AGBL2: variants seen among roughly 807,000 people sequenced by gnomAD.
AGBL2 encodes the protein cytosolic carboxypeptidase 2.
Under a neutral mutation model 103.0 loss-of-function variants are expected in AGBL2, and 87 were observed. The ratio of observed to expected loss-of-function variants is 0.84; its 90% CI spans 0.71 to 1.01. AGBL2 has a LOEUF of 1.01. Among genes scored for constraint, AGBL2 ranks in the 50% least tolerant of loss-of-function variants. AGBL2 has a pLI of 0.00. For missense variants in AGBL2, 904 were observed against 1,023.5 expected (o/e 0.88, Z 1.59); for synonymous variants, 335 against 356.7 (o/e 0.94, Z 0.69).
intron 8 of AGBL2, among the ~76,000 whole-genome samples, chr11:47,696,676 T>C (rs746666610): frequency 7.2e-5 from 11 of 152,216 alleles, no homozygotes; most frequent in Non-Finnish European, 1.2e-4. Context: ...TAGCAATTCG[T>C]CCTGTTGATC....
intron 3 of AGBL2, among the ~76,000 whole-genome samples, chr11:47,712,043 G>A (rs993462281): frequency 7.2e-5 from 11 of 151,992 alleles, no homozygotes; most frequent in Admixed American, 2.6e-4. Context: ...ATTGCACTCC[G>A]GCCAAGGCAA....
At chr11:47,665,931 C>T (rs2097340121) in intron 17 of AGBL2, among the ~76,000 whole-genome samples, 2 of 151,978 alleles carry the variant, frequency 1.3e-5, no homozygotes, top group Non-Finnish European at 2.9e-5. Context: ...ATCACTTGAA[C>T]CCGGGAAGTG....
At position 47,701,555 on chromosome 11, in the gene AGBL2, G is replaced by T. The variant is rs576741526; in HGVS notation, c.587-2002C>A. On this transcript the variant is annotated intron_variant, in intron 7 of 18. Transcript: ENST00000525123. ...TTAAATTCCAGTGTCCTTGCTGGGG[G>T]TGGTGGCTCACACCTGTAATCTCAG... Among the ~76,000 whole-genome samples, 6 of 152,088 alleles carry T rather than the reference G, an allele frequency of 3.9e-5. No individual in the cohort carries two copies. In the South Asian group the frequency reaches 1.0e-3, roughly 26 times the overall value.
chr11:47,660,424 CT>C, intron 18 of AGBL2, 78 bp from the exon 19 acceptor site: 1 of 1,357,046 alleles, frequency 7.4e-7, no homozygotes, highest in South Asian at 1.4e-5. Context: ...TTGGGGTTGG[CT>C]TTACAAGGAG....
chr11:47,685,166 C>T (rs2097418954), intron 11 of AGBL2, among the ~76,000 whole-genome samples: 2 of 151,864 alleles, frequency 1.3e-5, no homozygotes, highest in African/African-American at 4.8e-5. Flanking sequence ...GCCAAGATTG[C>T]ACCACTACAC....
At chr11:47,713,313 C>T (rs2097540862) in intron 3 of AGBL2, among the ~76,000 whole-genome samples, 1 of 144,840 alleles carries the variant, frequency 6.9e-6, no homozygotes, top group Admixed American at 7.1e-5. Context: ...CATTGCATTT[C>T]AGCCTGGGTG....
chr11:47,684,591 T>C (rs1160880156), intron 11 of AGBL2, among the ~76,000 whole-genome samples: 1 of 149,986 alleles, frequency 6.7e-6, no homozygotes, highest in Admixed American at 6.7e-5. Context: ...AAAAAATAAG[T>C]AAAATAAATA....
chr11:47,687,654 A>C (rs1308930059), intron 10 of AGBL2, among the ~76,000 whole-genome samples: 1 of 151,668 alleles, frequency 6.6e-6, no homozygotes, highest in Non-Finnish European at 1.5e-5. Flanking sequence ...TTCTGCCATG[A>C]TTGTACGCTT....
chr11:47,664,686 C>A (rs1274504834), intron 17 of AGBL2, among the ~76,000 whole-genome samples: 1 of 151,922 alleles, frequency 6.6e-6, no homozygotes, highest in Non-Finnish European at 1.5e-5. Context: ...GTTGGGATTG[C>A]AGGCATGAGC....
At position 47,660,092 on chromosome 11, in the gene AGBL2, G is replaced by A; in HGVS notation, c.*81C>T. ...ATACCACAAGTAAATGCAGTTCCCAGTCATACATCTCCCCCATTATAAAAT... is the reference window on the plus strand; with the variant it reads ...ATACCACAAGTAAATGCAGTTCCCAATCATACATCTCCCCCATTATAAAAT... On this transcript the variant is annotated 3_prime_UTR_variant, in exon 19 of 19. Transcript: ENST00000525123. The A allele has an allele frequency of 6.9e-7, 1 of 1,453,172 alleles. No individual in the cohort carries two copies. Among genetic ancestry groups the A allele is most frequent in the Non-Finnish European group, 9.4e-7 (1 of 1,067,050 alleles). The allele number at this position is 1,453,172 out of a possible 1,614,324, so 90.0% of individuals were successfully genotyped here.
chr11:47,692,289 T>C (rs1440600401), intron 8 of AGBL2, 33 bp from the exon 9 acceptor site: 4 of 1,602,152 alleles, frequency 2.5e-6, no homozygotes, highest in Non-Finnish European at 3.4e-6. Context: ...GGCTAGGTTC[T>C]ACTCAGAATC....
rs748323372 is a variant in AGBL2, at chr11:47,680,108, T to C, written c.1916-35A>G. On this transcript the variant is annotated intron_variant, in intron 12 of 18. Transcript: ENST00000525123. ...AAAAAAACCCCGCAAACATTTCCAA[T>C]TAAATCTTAGTGACTGAATGTAAAT... 9 of 1,292,452 alleles carry C rather than the reference T, an allele frequency of 7.0e-6. No homozygotes were observed. In the South Asian group the frequency reaches 8.8e-5, roughly 13 times the overall value. 80.1% of individuals were successfully genotyped at this position (1,292,452 alleles called of 1,614,324 possible). A position where few individuals can be genotyped will look rare whatever the true frequency, so the allele number is the denominator to read the frequency against.
chr11:47,703,204 G>A (rs2097505204), intron 7 of AGBL2, among the ~76,000 whole-genome samples: 1 of 151,974 alleles, frequency 6.6e-6, no homozygotes, highest in South Asian at 2.1e-4. Flanking sequence ...TACCAAGACT[G>A]GTAAAAATAC....
intron 3 of AGBL2, 75 bp downstream of exon 3, chr11:47,714,209 C>T: frequency 8.0e-6 from 9 of 1,123,860 alleles, no homozygotes; most frequent in Non-Finnish European, 1.2e-5. Context: ...TACCCAAGTG[C>T]AACCCTCCCA....
intron 8 of AGBL2, among the ~76,000 whole-genome samples, chr11:47,697,226 G>A (rs2097478025): frequency 6.7e-6 from 1 of 149,606 alleles, no homozygotes; most frequent in Admixed American, 6.7e-5. Context: ...ACCACATCCA[G>A]CCTCTTAATG....
chr11:47,665,736 G>A (rs898128825), intron 17 of AGBL2, among the ~76,000 whole-genome samples: 17 of 152,102 alleles, frequency 1.1e-4, no homozygotes, highest in South Asian at 2.1e-4. Context: ...TTGGCCAGGC[G>A]TAGTGGCTCA....
At chr11:47,663,175 A>AATG in intron 17 of AGBL2, 63 bp from the exon 18 acceptor site, 1 of 985,130 alleles carries the variant, frequency 1.0e-6, no homozygotes, top group Non-Finnish European at 1.5e-6. Flanking sequence ...TACAGTGAAT[A>AATG]TACATTATTC....
Position 47,714,123 on chromosome 11 carries a change from A to G in AGBL2, c.97+161T>C. 4.9e-6 allele frequency: 3 copies of G among 613,478 alleles called. No individual in the cohort carries two copies. In the South Asian group the frequency reaches 5.8e-5, roughly 12 times the overall value. The allele number at this position is 613,478 out of a possible 1,614,324, so 38.0% of individuals were successfully genotyped here. A position where few individuals can be genotyped will look rare whatever the true frequency, so the allele number is the denominator to read the frequency against. ...ACTTGACAGAGGTGACCCGCAGATCAATGGGGAAAGGAAGTACTTTTCACT... is the reference window on the plus strand; with the variant it reads ...ACTTGACAGAGGTGACCCGCAGATCGATGGGGAAAGGAAGTACTTTTCACT... On this transcript the variant is annotated intron_variant, in intron 3 of 18. Coordinates refer to ENST00000525123, the MANE Select transcript of AGBL2 (RefSeq NM_024783.4).
intron 9 of AGBL2, among the ~76,000 whole-genome samples, chr11:47,691,583 CTGTAG>C (rs1203524867): frequency 6.8e-6 from 1 of 147,876 alleles, no homozygotes; most frequent in Non-Finnish European, 1.5e-5. Context: ...TGGCAGGCGC[CTGTAG>C]TCCTAGCTAC....
Sources: allele counts gnomAD v4.1 joint callset (sites outside exome capture counted in the v4.1 genomes callset), GRCh38; gene constraint gnomAD v4.1.1; transcripts MANE v1.5; gene names NCBI Gene and HGNC (gene_info 2026-07-23, HGNC 2026-07-21).